The following CACNA1C variants were observed in gnomAD, a reference collection of about 807,000 sequenced individuals.
The protein encoded by CACNA1C is calcium voltage-gated channel subunit alpha1 C, also known as voltage-dependent L-type calcium channel subunit alpha-1C.
CACNA1C carries 30 observed loss-of-function variants against 229.0 expected under a neutral mutation model. The ratio of observed to expected loss-of-function variants is 0.13; its 90% CI spans 0.10 to 0.18. CACNA1C has a LOEUF of 0.18. CACNA1C is among the 10% of genes least tolerant of loss of function. CACNA1C has a pLI of 1.00. For missense variants in CACNA1C, 1,658 were observed against 2,845.0 expected, an observed-to-expected ratio of 0.58 and a Z score of 9.49; for synonymous variants, 1,114 against 1,132.5, an observed-to-expected ratio of 0.98 and a Z score of 0.33.
At chr12:2,035,883 G>T (rs1203982712) in intron 1 of CACNA1C, among the ~76,000 whole-genome samples, 1 of 152,134 alleles carries the variant, frequency 6.6e-6, no homozygotes, top group African/African-American at 2.4e-5. Flanking sequence ...TCTTCTTTAT[G>T]CCGGATCTAA....
At chr12:2,212,271 G>A (rs972190746) in intron 3 of CACNA1C, among the ~76,000 whole-genome samples, 17 of 152,206 alleles carry the variant, frequency 1.1e-4, no homozygotes, top group Non-Finnish European at 2.1e-4. Flanking sequence ...TCAGCCTGTG[G>A]TAGAGAGAAC....
chr12:2,394,047 G>C lies in CACNA1C; in HGVS notation c.478-54929G>C, dbSNP rs142544258. 2.7e-3 allele frequency among the ~76,000 whole-genome samples: 412 copies of C among 151,602 alleles called. 3 individuals are homozygous for C. Among genetic ancestry groups the C allele is most frequent in the African/African-American group, 9.4e-3 (390 of 41,320 alleles). On this transcript the variant is annotated intron_variant, in intron 3 of 46. Transcript: ENST00000399655. ...TTGAGCCTAGGAGGTCGAGGCTGCA[G>C]TGAGCTATGATTGTGCCACTGCACT...
At chr12:2,667,918 G>C (rs144349066) in intron 37 of CACNA1C, among the ~76,000 whole-genome samples, 360 of 152,310 alleles carry the variant, frequency 2.4e-3, no homozygotes, top group African/African-American at 8.2e-3. Context: ...GCGCTTGCTC[G>C]TCATGACCCA....
Position 2,689,699 on chromosome 12 carries a change from T to C in CACNA1C, c.6117+920T>C, listed in dbSNP as rs1453264208. Among the ~76,000 whole-genome samples, 1 of 152,102 alleles carries C rather than the reference T, an allele frequency of 6.6e-6. No homozygotes were observed. Among genetic ancestry groups the C allele is most frequent in the Non-Finnish European group, 1.5e-5 (1 of 68,032 alleles). ...AAGGTTTACCTCTCAAAGTCTGGTA[T>C]TCCTGTGGCCTCGATCATCCTGCAT... is the stretch of plus-strand genomic sequence containing the variant. On this transcript the variant is annotated intron_variant, in intron 46 of 46. Coordinates refer to ENST00000399655, the MANE Select transcript of CACNA1C (RefSeq NM_000719.7). This position sits in a 1 kb window ranked among gnomAD's most constrained non-coding sequence, Gnocchi z 4.2.
At chr12:2,328,982 G>A (rs947979462) in intron 3 of CACNA1C, among the ~76,000 whole-genome samples, 1 of 152,146 alleles carries the variant, frequency 6.6e-6, no homozygotes, top group Admixed American at 6.5e-5. Flanking sequence ...TGTCACCCTT[G>A]TTCTATTTTT....
At chr12:2,505,175 A>G (rs922392657) in intron 8 of CACNA1C, among the ~76,000 whole-genome samples, 1 of 152,040 alleles carries the variant, frequency 6.6e-6, no homozygotes, top group Non-Finnish European at 1.5e-5. Context: ...AAGTGGGTCC[A>G]GCTGGCCCCT....
At position 2,255,381 on chromosome 12, in the gene CACNA1C, A is replaced by G. The variant is rs547911739; in HGVS notation, c.477+134951A>G. Among the ~76,000 whole-genome samples, 119 of 152,188 alleles carry G rather than the reference A, an allele frequency of 7.8e-4. 1 individual carries two copies. The highest frequency in any genetic ancestry group is 5.9e-3 in the Admixed American group (90 of 15,290). On this transcript the variant is annotated intron_variant, in intron 3 of 46. Coordinates refer to ENST00000399655, the MANE Select transcript of CACNA1C (RefSeq NM_000719.7). Reference sequence around the variant, plus strand: ...GACCTGGGGTCATTCGGGGTGTGACAGGCAGGCCCTCTCTCCTAGATCCAG... The same window carrying G: ...GACCTGGGGTCATTCGGGGTGTGACGGGCAGGCCCTCTCTCCTAGATCCAG...
chr12:2,369,948 C>T (rs890451821), intron 3 of CACNA1C, among the ~76,000 whole-genome samples: 2 of 152,186 alleles, frequency 1.3e-5, no homozygotes, highest in Admixed American at 6.5e-5. Flanking sequence ...GGCAAACACA[C>T]ACTGGGAAAA....
chr12:2,534,253 A>G (rs1181423114), intron 9 of CACNA1C, among the ~76,000 whole-genome samples: 1 of 152,160 alleles, frequency 6.6e-6, no homozygotes, highest in Non-Finnish European at 1.5e-5. Context: ...GGAGGCAGAG[A>G]GTAGGACTGA....
intron 3 of CACNA1C, among the ~76,000 whole-genome samples, chr12:2,306,740 C>T (rs534741210): frequency 2.5e-4 from 38 of 152,330 alleles, no homozygotes; most frequent in East Asian, 7.7e-4. Flanking sequence ...CTTAAAGTCA[C>T]GCTAAACAAG....
chr12:2,690,813 C>A, intron 46 of CACNA1C, 87 bp from the exon 47 acceptor site: 2 of 1,316,170 alleles, frequency 1.5e-6, no homozygotes, highest in Non-Finnish European at 2.1e-6. Flanking sequence ...CTACCAGATA[C>A]CCCCTCGCTC....
intron 3 of CACNA1C, among the ~76,000 whole-genome samples, chr12:2,211,844 G>T (rs376986700): frequency 7.7e-4 from 114 of 148,882 alleles, no homozygotes; most frequent in African/African-American, 2.7e-3. Context: ...TCAGCCTCCC[G>T]AGTAGCTGGG....
Position 2,666,600 on chromosome 12 carries a change from C to T in CACNA1C, c.4527-86C>T. 1 of 772,626 alleles carries T rather than the reference C, an allele frequency of 1.3e-6. No individual in the cohort carries two copies. Among genetic ancestry groups the T allele is most frequent in the Non-Finnish European group, 2.2e-6 (1 of 451,562 alleles). The allele number at this position is 772,626 out of a possible 1,614,324, so 47.9% of individuals were successfully genotyped here. On this transcript the variant is annotated intron_variant, in intron 36 of 46. Transcript: ENST00000399655. This position sits in a 1 kb window ranked among gnomAD's most constrained non-coding sequence, Gnocchi z 5.3. ...TGCAGTGTTGCCCATATGAGTGGGC[C>T]CTACCCCTCAGGCGCATGCGTCCTG...
intron 3 of CACNA1C, among the ~76,000 whole-genome samples, chr12:2,286,740 T>C (rs1211361712): frequency 1.3e-5 from 2 of 152,132 alleles, no homozygotes; most frequent in African/African-American, 2.4e-5. Context: ...CAGGCTGTCA[T>C]GAGCAGCCCT....
intron 3 of CACNA1C, among the ~76,000 whole-genome samples, chr12:2,418,921 A>C (rs1421127852): frequency 6.6e-6 from 1 of 152,178 alleles, no homozygotes; most frequent in Admixed American, 6.5e-5. Flanking sequence ...AGAGCCCCTT[A>C]TGGTCTGTTG....
chr12:2,359,562 C>T lies in CACNA1C; in HGVS notation c.478-89414C>T, dbSNP rs752257009. On this transcript the variant is annotated intron_variant, in intron 3 of 46. Transcript: ENST00000399655. ...GATTTTTTTTTTTTTTTTTAAATCT[C>T]ACAAGACACAAACTGTTCAAGGGAA... is the stretch of plus-strand genomic sequence containing the variant. Among the ~76,000 whole-genome samples the T allele has an allele frequency of 4.6e-4, 68 of 148,710 alleles. No individual in the cohort carries two copies. The Middle Eastern group carries it at 0.01, about 23-fold the overall frequency.
At chr12:2,010,865 G>C (rs1285267137) in intron 1 of CACNA1C, 2 of 152,126 alleles carry the variant, frequency 1.3e-5, no homozygotes, top group African/African-American at 4.8e-5. Context: ...AGAGGAAGTA[G>C]AGGTCGGGCA....
At chr12:2,115,683 CT>C in intron 2 of CACNA1C, 138 bp downstream of exon 2, 1 of 750,788 alleles carries the variant, frequency 1.3e-6, no homozygotes, top group Non-Finnish European at 2.2e-6. Flanking sequence ...ATCTGCATCA[CT>C]GGGGTGCTGT....
intron 3 of CACNA1C, among the ~76,000 whole-genome samples, chr12:2,430,581 G>C (rs1477709845): frequency 1.3e-5 from 2 of 152,068 alleles, no homozygotes; most frequent in Middle Eastern, 3.2e-3. Context: ...GTGGTGGGGG[G>C]GTCCGAGCAT....
Sources: allele counts gnomAD v4.1 joint callset (sites outside exome capture counted in the v4.1 genomes callset), GRCh38; gene constraint gnomAD v4.1.1; non-coding constraint Gnocchi (gnomAD v3.1); transcripts MANE v1.5; gene names NCBI Gene and HGNC (gene_info 2026-07-23, HGNC 2026-07-21).